The following ZNF354C variants were observed in gnomAD, a reference collection of about 807,000 sequenced individuals.
ZNF354C encodes the protein KRAB-zinc finger protein synten.
In ZNF354C, 7 loss-of-function variants were observed where a neutral mutation model predicts 12.4. The ratio of observed to expected loss-of-function variants is 0.56; its 90% CI spans 0.32 to 1.06. The LOEUF is 1.06. Ranked by LOEUF, ZNF354C falls within the 50% of genes least tolerant of loss-of-function variation. ZNF354C has a pLI of 0.04. For synonymous variants in ZNF354C, 202 were observed against 224.5 expected, an observed-to-expected ratio of 0.90 and a Z score of 0.90; for missense variants, 609 against 658.0, an observed-to-expected ratio of 0.93 and a Z score of 0.81.
At chr5:179,073,291 G>C (rs1762073805) in intron 2 of ZNF354C, among the ~76,000 whole-genome samples, 3 of 152,098 alleles carry the variant, frequency 2.0e-5, no homozygotes, top group African/African-American at 7.2e-5. Context: ...ACACTAAAAA[G>C]GAAGTTATGT....
intron 2 of ZNF354C, among the ~76,000 whole-genome samples, chr5:179,069,739 G>A (rs981495156): frequency 6.6e-5 from 10 of 151,686 alleles, no homozygotes; most frequent in East Asian, 2.0e-4. Flanking sequence ...GGTGGCGGGC[G>A]CCTGTAGTCC....
Position 179,079,087 on chromosome 5 carries a change from A to C in ZNF354C, c.655A>C (p.Asn219His). ...IYPGGKPHIC[N>H]ECGKSFKQNL... ...CCCAGGAGGAAAACCTCACATCTGT[A>C]ATGAATGTGGGAAGAGCTTCAAGCA... The change falls in exon 5 of 5, where the codon AAT (asparagine) becomes CAT (histidine). Residue 219 changes from asparagine (N) to histidine (H), a missense_variant. Coordinates refer to ENST00000315475, the MANE Select transcript of ZNF354C (RefSeq NM_014594.3). This position sits in a 1 kb window ranked among gnomAD's most constrained non-coding sequence, Gnocchi z 4.2. 6.2e-7 allele frequency: 1 copy of C among 1,613,988 alleles called. No homozygotes were observed. The highest frequency in any genetic ancestry group is 8.5e-7 in the Non-Finnish European group (1 of 1,180,006).
At chr5:179,063,931 G>T (rs1397826075) in intron 2 of ZNF354C, among the ~76,000 whole-genome samples, 1 of 152,238 alleles carries the variant, frequency 6.6e-6, no homozygotes, top group Non-Finnish European at 1.5e-5. Context: ...GCCAGATTTG[G>T]TGTGCTTCGC....
chr5:179,075,296 C>G (rs1343172359), intron 2 of ZNF354C, among the ~76,000 whole-genome samples: 2 of 151,500 alleles, frequency 1.3e-5, no homozygotes. Context: ...GTGGTATGTG[C>G]CTGTAGTCCC....
chr5:179,071,684 C>T (rs1271163098), intron 2 of ZNF354C, among the ~76,000 whole-genome samples: 1 of 152,134 alleles, frequency 6.6e-6, no homozygotes, highest in Admixed American at 6.5e-5. Flanking sequence ...TGCAGTCTTA[C>T]TGGTGTGAAT....
rs2113133350 is a variant in ZNF354C at position 179,083,919 on chromosome 5, T to G, written c.*3822T>G. Among the ~76,000 whole-genome samples, 1 of 143,850 alleles carries G rather than the reference T, an allele frequency of 7.0e-6. No individual in the cohort carries two copies. The highest frequency in any genetic ancestry group is 2.2e-4 in the East Asian group (1 of 4,630). 94.4% of individuals were successfully genotyped at this position (143,850 alleles called of 152,430 possible). The stretch of plus-strand genomic sequence containing the variant: ...AGAGGATTTGTGAGCCAAAAAGGGT[T>G]AGGAGACTCCCCATTGCTTTTCTTC... On this transcript the variant is annotated 3_prime_UTR_variant, in exon 5 of 5. Transcript: ENST00000315475.
At chr5:179,073,135 A>C (rs1051019334) in intron 2 of ZNF354C, among the ~76,000 whole-genome samples, 2 of 152,238 alleles carry the variant, frequency 1.3e-5, no homozygotes, top group Admixed American at 1.3e-4. Flanking sequence ...ATGACATTTT[A>C]CATGCTGAAA....
intron 2 of ZNF354C, among the ~76,000 whole-genome samples, chr5:179,075,184 G>A (rs578083924): frequency 2.4e-4 from 36 of 152,102 alleles, no homozygotes; most frequent in African/African-American, 8.0e-4. Context: ...GTGTGAACCC[G>A]GGAGGCAGAG....
At chr5:179,077,216 A>G (rs1183837364) in intron 4 of ZNF354C, 50 bp downstream of exon 4, 6 of 1,457,410 alleles carry the variant, frequency 4.1e-6, no homozygotes, top group Non-Finnish European at 4.8e-6. Context: ...ATAGACAAGT[A>G]GGTCACAAAG....
chr5:179,069,735 G>A (rs940616590), intron 2 of ZNF354C, among the ~76,000 whole-genome samples: 3 of 149,520 alleles, frequency 2.0e-5, no homozygotes, highest in Non-Finnish European at 4.4e-5. Flanking sequence ...GCGCGGTGGC[G>A]GGCGCCTGTA....
At chr5:179,063,092 C>A (rs1761915697) in intron 2 of ZNF354C, among the ~76,000 whole-genome samples, 1 of 152,216 alleles carries the variant, frequency 6.6e-6, no homozygotes, top group Admixed American at 6.5e-5. Flanking sequence ...TTCATTGACT[C>A]CTTTTCCAAT....
intron 2 of ZNF354C, among the ~76,000 whole-genome samples, chr5:179,068,687 G>A (rs1028908350): frequency 1.6e-4 from 24 of 151,896 alleles, no homozygotes; most frequent in African/African-American, 5.6e-4. Context: ...TGGTAAAGAC[G>A]GAAGTTGGGT....
Position 179,079,593 on chromosome 5 carries a change from G to A in ZNF354C, c.1161G>A (p.Leu387=). The A allele has an allele frequency of 6.2e-7, 1 of 1,614,098 alleles. No homozygotes were observed. The highest frequency in any genetic ancestry group is 8.5e-7 in the Non-Finnish European group (1 of 1,180,010). The change falls in exon 5 of 5, where the codon TTG becomes TTA. Residue 387 remains leucine, a synonymous_variant. Coordinates refer to ENST00000315475, the MANE Select transcript of ZNF354C (RefSeq NM_014594.3). This position sits in a 1 kb window ranked among gnomAD's most constrained non-coding sequence, Gnocchi z 4.2. ...CTGGAGAACAACTGTATACATGCTTGGAATGTGGGAGAACCTTCACACGTA... is the reference window on the plus strand; with the variant it reads ...CTGGAGAACAACTGTATACATGCTTAGAATGTGGGAGAACCTTCACACGTA... ...FHTGEQLYTC[L]ECGRTFTRIV... is the part of the protein sequence containing the mutation.
chr5:179,069,530 C>G (rs1762013171), intron 2 of ZNF354C, among the ~76,000 whole-genome samples: 1 of 144,902 alleles, frequency 6.9e-6, no homozygotes, highest in African/African-American at 2.5e-5. Flanking sequence ...CCACTGCACT[C>G]CAGCCTGGGC....
chr5:179,062,199 A>G, intron 2 of ZNF354C, 104 bp downstream of exon 2: 2 of 1,458,344 alleles, frequency 1.4e-6, no homozygotes, highest in Non-Finnish European at 9.6e-7. Context: ...TCCAACCAAA[A>G]CGATGAAGAA....
rs1007458720 is a variant in ZNF354C, at chr5:179,083,642, C to G, written c.*3545C>G. ...GATGTAATCATTGGCAATAAAGTAA[C>G]TAGGTGGTACCAGTTCTCCTTTAAA... On this transcript the variant is annotated 3_prime_UTR_variant, in exon 5 of 5. Coordinates refer to ENST00000315475, the MANE Select transcript of ZNF354C (RefSeq NM_014594.3). The G allele has an allele frequency of 6.6e-6, 1 of 152,196 alleles. No homozygotes were observed. Among genetic ancestry groups the G allele is most frequent in the Non-Finnish European group, 1.5e-5 (1 of 68,050 alleles). The allele number at this position is 152,196 out of a possible 1,614,324, so 9.4% of individuals were successfully genotyped here.
At chr5:179,064,111 G>T (rs769745257) in intron 2 of ZNF354C, among the ~76,000 whole-genome samples, 3 of 152,334 alleles carry the variant, frequency 2.0e-5, no homozygotes, top group Admixed American at 1.3e-4. Context: ...CAGCAGGAGA[G>T]ACTTACTTCA....
chr5:179,062,678 G>C (rs1561746868), intron 2 of ZNF354C, among the ~76,000 whole-genome samples: 1 of 152,208 alleles, frequency 6.6e-6, no homozygotes, highest in Admixed American at 6.5e-5. Context: ...GGGCATCCCA[G>C]AAGGAGTTCA....
chr5:179,082,723 T>C lies in ZNF354C; in HGVS notation c.*2626T>C. 9.0e-6 allele frequency: 14 copies of C among 1,556,304 alleles called. No homozygotes were observed. The highest frequency in any genetic ancestry group is 1.1e-5 in the South Asian group (1 of 89,694). ...ATCTTTCTTTCTGCACCAAACCCCA[T>C]TGAGTTATCTGGTCCCCTTGGCTGA... On this transcript the variant is annotated 3_prime_UTR_variant, in exon 5 of 5. Coordinates refer to ENST00000315475, the MANE Select transcript of ZNF354C (RefSeq NM_014594.3).
Sources: allele counts gnomAD v4.1 joint callset (sites outside exome capture counted in the v4.1 genomes callset), GRCh38; gene constraint gnomAD v4.1.1; non-coding constraint Gnocchi (gnomAD v3.1); transcripts MANE v1.5; gene names NCBI Gene and HGNC (gene_info 2026-07-23, HGNC 2026-07-21).